The following COMMD1 variants were observed in gnomAD, a reference collection of about 807,000 sequenced individuals.
COMMD1 encodes copper metabolism domain containing 1.
In COMMD1, 10 loss-of-function variants were observed where a neutral mutation model predicts 17.2. The ratio of observed to expected loss-of-function variants is 0.58; its 90% CI spans 0.36 to 0.99. The LOEUF is 0.99. Ranked by LOEUF, COMMD1 falls within the 50% of genes least tolerant of loss-of-function variation. The pLI is 0.01. For missense variants in COMMD1, 270 were observed against 231.8 expected (o/e 1.17, Z -1.07); for synonymous variants, 97 against 91.6 (o/e 1.06, Z -0.34).
intron 2 of COMMD1, among the ~76,000 whole-genome samples, chr2:62,071,551 G>T (rs553573628): frequency 6.6e-6 from 1 of 152,174 alleles, no homozygotes; most frequent in African/African-American, 2.4e-5. Flanking sequence ...AGTCACTCTG[G>T]TTCAAATGCC....
At chr2:61,955,743 C>T (rs1459053065) in intron 1 of COMMD1, among the ~76,000 whole-genome samples, 1 of 152,008 alleles carries the variant, frequency 6.6e-6, no homozygotes, top group African/African-American at 2.4e-5. Context: ...TGGAGTGTGA[C>T]GGCACGACCT....
At chr2:61,983,613 T>C (rs1460193443) in intron 1 of COMMD1, among the ~76,000 whole-genome samples, 1 of 152,226 alleles carries the variant, frequency 6.6e-6, no homozygotes, top group Non-Finnish European at 1.5e-5. Flanking sequence ...TTCTTCTAGA[T>C]TGTCCAGTTT....
chr2:62,057,755 A>G (rs931180236), intron 2 of COMMD1, among the ~76,000 whole-genome samples: 20 of 150,562 alleles, frequency 1.3e-4, no homozygotes, highest in Admixed American at 8.0e-4. Flanking sequence ...TTTTCTCTGT[A>G]GAGGCACATT....
At chr2:61,909,672 T>C (rs917689069) in intron 1 of COMMD1, among the ~76,000 whole-genome samples, 2 of 152,338 alleles carry the variant, frequency 1.3e-5, no homozygotes, top group Non-Finnish European at 2.9e-5. Context: ...ACATTTTTCA[T>C]ATAAATGACA....
chr2:62,027,708 C>T (rs917911387), intron 2 of COMMD1, among the ~76,000 whole-genome samples: 2 of 152,056 alleles, frequency 1.3e-5, no homozygotes, highest in Admixed American at 6.6e-5. Context: ...AGGTCTCGCT[C>T]TGTCACCCAG....
chr2:61,944,803 T>C (rs905335297), intron 1 of COMMD1, among the ~76,000 whole-genome samples: 4 of 152,084 alleles, frequency 2.6e-5, no homozygotes, highest in Non-Finnish European at 5.9e-5. Flanking sequence ...TCTGAGTTCT[T>C]TAAGGGGTTC....
At chr2:62,107,310 A>G (rs958737085) in intron 2 of COMMD1, among the ~76,000 whole-genome samples, 28 of 152,270 alleles carry the variant, frequency 1.8e-4, no homozygotes, top group East Asian at 1.5e-3. Flanking sequence ...TCTCCTGGCC[A>G]TTTGTCTCTA....
chr2:61,981,457 G>A (rs1171432834), intron 1 of COMMD1, among the ~76,000 whole-genome samples: 1 of 152,122 alleles, frequency 6.6e-6, no homozygotes, highest in Non-Finnish European at 1.5e-5. Context: ...CACTGTACAT[G>A]GATGGATTTG....
intron 2 of COMMD1, among the ~76,000 whole-genome samples, chr2:62,078,878 GAA>G (rs756558935): frequency 1.0e-4 from 10 of 96,850 alleles, no homozygotes; most frequent in Admixed American, 2.3e-4. Context: ...CTCCATCTCA[GAA>G]AAAAAAAAAA....
At chr2:61,904,812 ACT>A (rs147989039), upstream of COMMD1, among the ~76,000 whole-genome samples, 1,307 of 152,206 alleles carry the variant, frequency 8.6e-3, 17 homozygotes, top group Non-Finnish European at 0.013. Context: ...CCCCAAAGAA[ACT>A]CTGTACCTAT....
intron 1 of COMMD1, among the ~76,000 whole-genome samples, chr2:61,995,235 A>G (rs1668723364): frequency 6.6e-6 from 1 of 152,120 alleles, no homozygotes. Context: ...CAGGCGTGTG[A>G]CACCACACTG....
intron 1 of COMMD1, among the ~76,000 whole-genome samples, chr2:61,963,177 T>C (rs1671407942): frequency 7.2e-6 from 1 of 138,790 alleles, no homozygotes; most frequent in Non-Finnish European, 1.5e-5. Flanking sequence ...AAAATATATA[T>C]ATATATATTA....
intron 2 of COMMD1, among the ~76,000 whole-genome samples, chr2:62,002,109 G>A (rs1039749102): frequency 3.3e-5 from 5 of 152,234 alleles, no homozygotes; most frequent in African/African-American, 1.2e-4. Flanking sequence ...GGTGGAGGTT[G>A]CAGTGAGCCG....
intron 1 of COMMD1, among the ~76,000 whole-genome samples, chr2:61,982,167 C>T (rs1272690010): frequency 1.3e-5 from 2 of 152,084 alleles, no homozygotes; most frequent in African/African-American, 4.8e-5. Flanking sequence ...ATTTCTTTCA[C>T]TATTGTTTTA....
At chr2:62,101,601 C>A (rs138335868) in intron 2 of COMMD1, among the ~76,000 whole-genome samples, 1 of 149,048 alleles carries the variant, frequency 6.7e-6, no homozygotes, top group Non-Finnish European at 1.5e-5. Context: ...CAGAACAAGA[C>A]CCTGTCTCTC....
upstream of COMMD1, among the ~76,000 whole-genome samples, chr2:61,903,936 G>A (rs2105167311): frequency 6.6e-6 from 1 of 152,264 alleles, no homozygotes; most frequent in Admixed American, 6.5e-5. Context: ...GTTCATAAAG[G>A]TGAAAAACCT....
At chr2:62,043,055 C>G (rs1037738843) in intron 2 of COMMD1, among the ~76,000 whole-genome samples, 5 of 152,204 alleles carry the variant, frequency 3.3e-5, no homozygotes, top group African/African-American at 1.2e-4. Flanking sequence ...CTTTCACCCG[C>G]TAAATACACA....
intron 1 of COMMD1, 45 bp downstream of exon 1, chr2:61,905,903 G>A (rs199846289): frequency 6.2e-7 from 1 of 1,600,216 alleles, no homozygotes; most frequent in Non-Finnish European, 8.6e-7. Context: ...AGAACCCCTT[G>A]GCCGCTGGCT....
upstream of COMMD1, among the ~76,000 whole-genome samples, chr2:61,904,825 A>G (rs1669732508): frequency 1.3e-5 from 2 of 152,330 alleles, no homozygotes; most frequent in South Asian, 4.1e-4. Flanking sequence ...CTGTACCTAT[A>G]AACAGTCACT....
Sources: allele counts gnomAD v4.1 joint callset (sites outside exome capture counted in the v4.1 genomes callset), GRCh38; gene constraint gnomAD v4.1.1; transcripts MANE v1.5; gene names NCBI Gene and HGNC (gene_info 2026-07-23, HGNC 2026-07-21).